Variants in DLGAP1 observed in about 807,000 individuals in gnomAD.
The protein encoded by DLGAP1 is disks large-associated protein 1.
DLGAP1 carries 11 observed loss-of-function variants against 90.8 expected under a neutral mutation model. The observed-to-expected ratio is 0.12, with a 90% CI of 0.08 to 0.20. DLGAP1 has a LOEUF of 0.20. Among genes scored for constraint, DLGAP1 ranks in the 10% least tolerant of loss-of-function variants. The pLI, the probability that DLGAP1 is intolerant of heterozygous loss-of-function variation, is 1.00. For synonymous variants in DLGAP1, 558 were observed against 540.7 expected, an observed-to-expected ratio of 1.03 and a Z score of -0.44; for missense variants, 1,050 against 1,333.8, an observed-to-expected ratio of 0.79 and a Z score of 3.31.
intron 1 of DLGAP1, among the ~76,000 whole-genome samples, chr18:4,270,522 T>C (rs1210521389): frequency 6.6e-6 from 1 of 152,174 alleles, no homozygotes; most frequent in Middle Eastern, 3.2e-3. Flanking sequence ...TTCCAAAATA[T>C]TTCACATTGA....
At chr18:3,691,131 A>G (rs1245909687) in intron 7 of DLGAP1, among the ~76,000 whole-genome samples, 4 of 152,166 alleles carry the variant, frequency 2.6e-5, no homozygotes, top group African/African-American at 9.7e-5. Context: ...AATTCGAAAA[A>G]TCATAAGTAG....
At chr18:4,080,631 C>T (rs1233917223) in intron 2 of DLGAP1, among the ~76,000 whole-genome samples, 1 of 152,202 alleles carries the variant, frequency 6.6e-6, no homozygotes, top group Non-Finnish European at 1.5e-5. Flanking sequence ...CATTTACCAT[C>T]TCTTCTTTCT....
chr18:3,791,620 A>C (rs2065738728), intron 5 of DLGAP1, among the ~76,000 whole-genome samples: 1 of 152,238 alleles, frequency 6.6e-6, no homozygotes, highest in Admixed American at 6.5e-5. Flanking sequence ...CTTAGGAGTC[A>C]ATGATAATCA....
At chr18:3,700,596 ATT>A (rs1317673861) in intron 7 of DLGAP1, among the ~76,000 whole-genome samples, 1 of 144,792 alleles carries the variant, frequency 6.9e-6, no homozygotes, top group African/African-American at 2.8e-5. Flanking sequence ...CTAGCATTTT[ATT>A]TTATTTTTTT....
Position 4,376,089 on chromosome 18 carries a change from T to C in DLGAP1, c.-267+78917A>G, listed in dbSNP as rs73941476. 4.2e-3 allele frequency among the ~76,000 whole-genome samples: 636 copies of C among 152,266 alleles called. 5 individuals carry two copies. Among genetic ancestry groups the C allele is most frequent in the African/African-American group, 0.014 (587 of 41,546 alleles). ...AGAGCTTGAAAACACTGAATTATAC[T>C]TGATGATAGAAAGTATCAAATAGAT... On this transcript the variant is annotated intron_variant, in intron 1 of 12. Transcript: ENST00000315677.
At chr18:3,596,727 G>T (rs2056596424) in intron 7 of DLGAP1, 1 of 449,254 alleles carries the variant, frequency 2.2e-6, no homozygotes, top group South Asian at 1.6e-5. Flanking sequence ...GGGATGAGAA[G>T]AGACTTCCTG....
chr18:3,500,559 C>T (rs764386724), intron 12 of DLGAP1, among the ~76,000 whole-genome samples: 23 of 152,236 alleles, frequency 1.5e-4, no homozygotes, highest in Non-Finnish European at 2.2e-4. Context: ...GCTACCCCAC[C>T]GGCTGTCTAA....
intron 1 of DLGAP1, among the ~76,000 whole-genome samples, chr18:4,287,955 G>C (rs1434276967): frequency 6.6e-6 from 1 of 152,096 alleles, no homozygotes; most frequent in Middle Eastern, 3.2e-3. Flanking sequence ...CAGTATACAT[G>C]TCACCTTGGG....
chr18:4,244,022 T>C (rs530367449), intron 1 of DLGAP1, among the ~76,000 whole-genome samples: 2 of 151,660 alleles, frequency 1.3e-5, no homozygotes, highest in South Asian at 2.1e-4. Flanking sequence ...TTTCTTGCTC[T>C]TTTTTTTTCT....
chr18:4,250,709 C>T (rs1033230022), intron 1 of DLGAP1, among the ~76,000 whole-genome samples: 19 of 152,100 alleles, frequency 1.2e-4, no homozygotes, highest in African/African-American at 4.3e-4. Flanking sequence ...CATTAACTTT[C>T]CACTATGGAG....
intron 4 of DLGAP1, among the ~76,000 whole-genome samples, chr18:3,843,701 C>T (rs2068846313): frequency 6.6e-6 from 1 of 152,096 alleles, no homozygotes; most frequent in African/African-American, 2.4e-5. Context: ...CACGTTTGAG[C>T]CTCCAATATA....
At chr18:4,403,562 G>A (rs2082600824) in intron 1 of DLGAP1, among the ~76,000 whole-genome samples, 1 of 152,030 alleles carries the variant, frequency 6.6e-6, no homozygotes, top group Non-Finnish European at 1.5e-5. Context: ...TGATGACAAA[G>A]TTTCCCTCCC....
chr18:3,632,677 C>G (rs1296358216), intron 7 of DLGAP1, among the ~76,000 whole-genome samples: 1 of 152,040 alleles, frequency 6.6e-6, no homozygotes, highest in Admixed American at 6.6e-5. Context: ...TCCTTGTATG[C>G]TTGGTTATTT....
At chr18:4,433,758 C>A (rs1238545941) in intron 1 of DLGAP1, among the ~76,000 whole-genome samples, 3 of 152,266 alleles carry the variant, frequency 2.0e-5, no homozygotes, top group African/African-American at 7.2e-5. Flanking sequence ...AAGACCTATG[C>A]AAATATATGT....
In DLGAP1 at chr18:4,116,271, C is replaced by T. The variant is rs149025869; in HGVS notation, c.-159+34909G>A. Among the ~76,000 whole-genome samples the T allele has an allele frequency of 4.5e-3, 691 of 152,250 alleles. 4 individuals carry two copies. The highest frequency in any genetic ancestry group is 0.025 in the South Asian group (122 of 4,832). On this transcript the variant is annotated intron_variant, in intron 2 of 12. Coordinates refer to ENST00000315677, the MANE Select transcript of DLGAP1 (RefSeq NM_004746.4). ...TTCCCTTGCAAGTGGTGAGTCATTT[C>T]TTTCTTGCTGTTTTCTCCTTCTACA...
chr18:3,636,617 T>C lies in DLGAP1; in HGVS notation c.1592-54369A>G, dbSNP rs189840418. Among the ~76,000 whole-genome samples the C allele has an allele frequency of 1.1e-3, 168 of 151,526 alleles. 2 individuals carry two copies. Among genetic ancestry groups the C allele is most frequent in the Admixed American group, 3.9e-3 (59 of 15,166 alleles). On this transcript the variant is annotated intron_variant, in intron 7 of 12. Coordinates refer to ENST00000315677, the MANE Select transcript of DLGAP1 (RefSeq NM_004746.4). ...TTTTAGTAGAGATGGGATTACTCTA[T>C]GTTGGCCAGGCTGGTCTCAAACTCC...
intron 1 of DLGAP1, among the ~76,000 whole-genome samples, chr18:4,401,871 A>G (rs1276689064): frequency 6.6e-6 from 1 of 152,252 alleles, no homozygotes; most frequent in South Asian, 2.1e-4. Flanking sequence ...TTTAAAATAC[A>G]TACAAAAATT....
intron 7 of DLGAP1, among the ~76,000 whole-genome samples, chr18:3,686,418 A>G (rs1299877890): frequency 6.6e-6 from 1 of 152,198 alleles, no homozygotes; most frequent in Non-Finnish European, 1.5e-5. Context: ...CAGAATTAAC[A>G]GCATTATTTA....
chr18:3,921,057 T>C (rs1235719846), intron 3 of DLGAP1, among the ~76,000 whole-genome samples: 2 of 152,188 alleles, frequency 1.3e-5, no homozygotes, highest in East Asian at 1.9e-4. Flanking sequence ...TTTTCCAACA[T>C]AGTAATGTAA....
Sources: allele counts gnomAD v4.1 joint callset (sites outside exome capture counted in the v4.1 genomes callset), GRCh38; gene constraint gnomAD v4.1.1; transcripts MANE v1.5; gene names NCBI Gene and HGNC (gene_info 2026-07-23, HGNC 2026-07-21).